Variants in BLZF1 observed in about 807,000 individuals in gnomAD.
BLZF1 encodes the protein basic leucine zipper nuclear factor 1, also known as golgin-45.
A neutral mutation model predicts 43.8 loss-of-function variants in BLZF1; 39 were observed. The observed-to-expected ratio is 0.89, with a 90% confidence interval of 0.69 to 1.16. The LOEUF (loss-of-function observed/expected upper bound fraction) is 1.16, where lower values mean the gene tolerates loss of function less well. Among genes scored for constraint, BLZF1 ranks in the 50% most tolerant of loss-of-function variants. The pLI, the probability that BLZF1 is intolerant of heterozygous loss-of-function variation, is 0.00. For synonymous variants in BLZF1, 136 were observed against 159.4 expected, an observed-to-expected ratio of 0.85 and a Z score of 1.11; for missense variants, 449 against 469.8, an observed-to-expected ratio of 0.96 and a Z score of 0.41.
downstream of BLZF1, among the ~76,000 whole-genome samples, chr1:169,390,781 A>T (rs927654187): frequency 6.6e-6 from 1 of 152,182 alleles, no homozygotes; most frequent in Non-Finnish European, 1.5e-5. Context: ...TTCTGTTGCA[A>T]TAGCTATTAA....
At chr1:169,395,829 TTGTGTGTG>T (rs140900103) in intron 7 of BLZF1, 1 of 149,082 alleles carries the variant, frequency 6.7e-6, no homozygotes, top group Admixed American at 6.7e-5. Flanking sequence ...TGTGGTATGT[TTGTGTGTG>T]TGTGTGTGTG....
chr1:169,382,047 G>C lies in BLZF1; in HGVS notation c.798-15G>C, dbSNP rs766240820. On this transcript the variant is annotated splice_polypyrimidine_tract_variant and intron_variant, in intron 5 of 6. Transcript: ENST00000367808. Reference sequence around the variant, plus strand: ...CTCTCTTACTATGTCCGGTGTTCATGTGTGTTCTATGCAGATTATTGGAGG... The same window carrying C: ...CTCTCTTACTATGTCCGGTGTTCATCTGTGTTCTATGCAGATTATTGGAGG... The C allele has an allele frequency of 6.2e-7, 1 of 1,602,624 alleles. No individual in the cohort carries two copies. The highest frequency in any genetic ancestry group is 8.5e-7 in the Non-Finnish European group (1 of 1,172,138).
intron 6 of BLZF1, among the ~76,000 whole-genome samples, chr1:169,384,589 T>G (rs1654618661): frequency 6.6e-6 from 1 of 152,178 alleles, no homozygotes; most frequent in Non-Finnish European, 1.5e-5. Flanking sequence ...CACTTAACAT[T>G]CCAGCAGGGT....
chr1:169,373,994 A>G (rs1369469680), intron 2 of BLZF1, among the ~76,000 whole-genome samples: 1 of 152,082 alleles, frequency 6.6e-6, no homozygotes, highest in African/African-American at 2.4e-5. Flanking sequence ...ATTCTGTGTT[A>G]CTTCTTAAAT....
intron 2 of BLZF1, among the ~76,000 whole-genome samples, chr1:169,375,257 AATTT>A (rs1228972440): frequency 6.6e-6 from 1 of 150,514 alleles, no homozygotes; most frequent in African/African-American, 2.4e-5. Context: ...AAGCTTACGA[AATTT>A]ATTACTGTTA....
At chr1:169,369,395 A>T in intron 1 of BLZF1, 78 bp from the exon 2 acceptor site, 1 of 689,764 alleles carries the variant, frequency 1.4e-6, no homozygotes. Flanking sequence ...CAATTAAAAT[A>T]TCATAACTTT....
Position 169,378,476 on chromosome 1 carries a change from A to C in BLZF1, c.615A>C (p.Leu205Phe). ...GRNTAQLSEQ[L>F]ERMSIQCDVW... ...ACACAGCTCAGCTTTCTGAACAGTTAGAACGTATGTCAATACAGTGTGATG... is the reference window on the plus strand; with the variant it reads ...ACACAGCTCAGCTTTCTGAACAGTTCGAACGTATGTCAATACAGTGTGATG... Residue 205 changes from leucine to phenylalanine, a missense_variant, in exon 4 of 7, where the codon TTA (leucine) becomes TTC (phenylalanine). Coordinates refer to ENST00000367808, the MANE Select transcript of BLZF1 (RefSeq NM_001320973.2). 1 of 1,612,986 alleles carries C rather than the reference A, an allele frequency of 6.2e-7. No individual in the cohort carries two copies. Among genetic ancestry groups the C allele is most frequent in the South Asian group, 1.1e-5 (1 of 91,048 alleles).
chr1:169,389,005 C>T (rs549286135), downstream of BLZF1, among the ~76,000 whole-genome samples: 6 of 152,234 alleles, frequency 3.9e-5, no homozygotes, highest in East Asian at 5.8e-4. Flanking sequence ...CACCTGTACT[C>T]CCAGCTACTC....
downstream of BLZF1, among the ~76,000 whole-genome samples, chr1:169,392,163 G>T (rs1174287233): frequency 6.6e-6 from 1 of 150,664 alleles, no homozygotes; most frequent in Non-Finnish European, 1.5e-5. Context: ...TAAGATGGCA[G>T]TACTACCCAA....
rs545829089 is a variant in BLZF1, at chr1:169,379,588, T to C, written c.669-893T>C. ...TTTCATTAGATTTTTAAATAAAAATTAAATATGACTTTATTGGTATTTTAA... is the reference window on the plus strand; with the variant it reads ...TTTCATTAGATTTTTAAATAAAAATCAAATATGACTTTATTGGTATTTTAA... On this transcript the variant is annotated intron_variant, in intron 4 of 6. Coordinates refer to ENST00000367808, the MANE Select transcript of BLZF1 (RefSeq NM_001320973.2). Among the ~76,000 whole-genome samples the C allele has an allele frequency of 2.6e-5, 4 of 152,150 alleles. No individual in the cohort carries two copies. The South Asian group carries it at 8.3e-4, about 32-fold the overall frequency.
chr1:169,395,686 A>C (rs549454402), intron 7 of BLZF1, among the ~76,000 whole-genome samples: 1 of 152,362 alleles, frequency 6.6e-6, no homozygotes, highest in Admixed American at 6.5e-5. Context: ...TAAAATGAAA[A>C]GTAAGCCAAA....
intron 3 of BLZF1, 79 bp from the exon 4 acceptor site, chr1:169,378,251 G>A: frequency 7.3e-7 from 1 of 1,376,528 alleles, no homozygotes; most frequent in Non-Finnish European, 1.0e-6. Context: ...CAGAAACACA[G>A]TCTCTTTTTG....
chr1:169,395,311 T>A, intron 7 of BLZF1: 1 of 996,652 alleles, frequency 1.0e-6, no homozygotes, highest in Non-Finnish European at 1.4e-6. Context: ...TTCTTTACAA[T>A]GAAATACTGT....
intron 5 of BLZF1, 103 bp from the exon 6 acceptor site, chr1:169,381,959 G>A: frequency 2.2e-6 from 2 of 889,454 alleles, no homozygotes; most frequent in Non-Finnish European, 3.4e-6. Flanking sequence ...ATCAGAGAAA[G>A]ATGTTATATA....
At chr1:169,383,574 C>T (rs1654586682) in intron 6 of BLZF1, among the ~76,000 whole-genome samples, 1 of 152,134 alleles carries the variant, frequency 6.6e-6, no homozygotes, top group Non-Finnish European at 1.5e-5. Flanking sequence ...AGACTTCCTG[C>T]CCCACTATTC....
At chr1:169,385,171 C>CAATGTGA (rs1654633390) in intron 6 of BLZF1, among the ~76,000 whole-genome samples, 1 of 152,194 alleles carries the variant, frequency 6.6e-6, no homozygotes, top group Admixed American at 6.5e-5. Context: ...TTTCACTATA[C>CAATGTGA]AATGTTAGGT....
At chr1:169,391,309 C>G (rs1654809527), downstream of BLZF1, among the ~76,000 whole-genome samples, 1 of 152,188 alleles carries the variant, frequency 6.6e-6, no homozygotes, top group Non-Finnish European at 1.5e-5. Context: ...TCTAACCCAG[C>G]ATTGTAAGGG....
At chr1:169,390,370 A>C (rs555232304), downstream of BLZF1, among the ~76,000 whole-genome samples, 1 of 152,184 alleles carries the variant, frequency 6.6e-6, no homozygotes, top group South Asian at 2.1e-4. Context: ...ATAGAAAAAC[A>C]AGAGAGATCA....
intron 3 of BLZF1, 149 bp from the exon 4 acceptor site, chr1:169,378,181 C>T (rs1654422011): frequency 1.5e-6 from 1 of 678,718 alleles, no homozygotes; most frequent in Non-Finnish European, 2.5e-6. Context: ...TCGTATGGAA[C>T]TTAAATATTT....
Sources: gnomAD v4.1 joint callset for allele counts (sites outside exome capture counted in the v4.1 genomes callset) on GRCh38, gnomAD v4.1.1 for gene constraint, MANE v1.5 for transcripts, NCBI Gene and HGNC (gene_info 2026-07-23, HGNC 2026-07-21) for gene names.